MYO6: variants seen among roughly 807,000 people sequenced by gnomAD.
MYO6 encodes unconventional myosin-VI.
MYO6 carries 74 observed loss-of-function variants against 178.7 expected under a neutral mutation model. The observed-to-expected ratio is 0.41, with a 90% CI of 0.34 to 0.50. The LOEUF is 0.50. Ranked by LOEUF, MYO6 falls within the 20% of genes least tolerant of loss-of-function variation. The pLI, the probability that MYO6 is intolerant of heterozygous loss-of-function variation, is 0.09. For synonymous variants in MYO6, 477 were observed against 504.6 expected (o/e 0.95, Z 0.73); for missense variants, 1,330 against 1,547.4 (o/e 0.86, Z 2.36).
In MYO6 at chr6:75,886,671, C is replaced by T. The variant is rs535998693; in HGVS notation, c.2508-173C>T. On this transcript the variant is annotated intron_variant, in intron 24 of 34. Coordinates refer to ENST00000369977, the MANE Select transcript of MYO6 (RefSeq NM_004999.4). ...TAATCCCATTGACAGGCATCAGTGTCATTCACACTCATATTTGATTTTTTT... is the reference window on the plus strand; with the variant it reads ...TAATCCCATTGACAGGCATCAGTGTTATTCACACTCATATTTGATTTTTTT... Among the ~76,000 whole-genome samples, 6 of 152,252 alleles carry T rather than the reference C, an allele frequency of 3.9e-5. No homozygotes were observed. The East Asian group carries it at 1.2e-3, about 29-fold the overall frequency.
At chr6:75,798,779 A>C (rs1482448073) in intron 1 of MYO6, among the ~76,000 whole-genome samples, 1 of 152,190 alleles carries the variant, frequency 6.6e-6, no homozygotes, top group Non-Finnish European at 1.5e-5. Context: ...CAAGAGAATA[A>C]ATAAAAGGTA....
intron 1 of MYO6, among the ~76,000 whole-genome samples, 193 bp from the exon 2 acceptor site, chr6:75,817,304 CAAAA>C (rs759910571): frequency 1.6e-5 from 1 of 62,992 alleles, no homozygotes; most frequent in African/African-American, 5.2e-5. Context: ...GATTCCGTCT[CAAAA>C]AAAAAAAAAA....
chr6:75,900,474 C>A (rs1040502954), intron 30 of MYO6, among the ~76,000 whole-genome samples: 1 of 152,202 alleles, frequency 6.6e-6, no homozygotes, highest in Non-Finnish European at 1.5e-5. Flanking sequence ...ATTTGCATTT[C>A]TCTGATGGCC....
chr6:75,771,148 C>G (rs986628421), intron 1 of MYO6, among the ~76,000 whole-genome samples: 2 of 151,708 alleles, frequency 1.3e-5, no homozygotes, highest in African/African-American at 4.8e-5. Context: ...ACTAGAGGCT[C>G]ATGCCACCGC....
At chr6:75,895,783 T>C (rs1177802144) in intron 29 of MYO6, among the ~76,000 whole-genome samples, 1 of 152,190 alleles carries the variant, frequency 6.6e-6, no homozygotes, top group Admixed American at 6.5e-5. Flanking sequence ...CCCAAAGTGC[T>C]GGGATTACAG....
rs1377826309 is a variant in MYO6 at position 75,918,147 on chromosome 6, G to A, written c.*3135G>A. 1 of 152,180 alleles carries A rather than the reference G, an allele frequency of 6.6e-6. No individual in the cohort carries two copies. Among genetic ancestry groups the A allele is most frequent in the Non-Finnish European group, 1.5e-5 (1 of 68,030 alleles). 9.4% of individuals were successfully genotyped at this position (152,180 alleles called of 1,614,324 possible). A position where few individuals can be genotyped will look rare whatever the true frequency, so the allele number is the denominator to read the frequency against. The stretch of plus-strand genomic sequence containing the variant: ...TGGATTTACAAAGGGTTGCCTCTCT[G>A]TCATTCCACAACTTCAGAAGGTGTG... On this transcript the variant is annotated 3_prime_UTR_variant, in exon 35 of 35. Transcript: ENST00000369977.
At position 75,918,125 on chromosome 6, in the gene MYO6, A is replaced by G. The variant is rs1430266489; in HGVS notation, c.*3113A>G. ...AAACACTTTTTAGTGGCACCTGTGG[A>G]TTTACAAAGGGTTGCCTCTCTGTCA... On this transcript the variant is annotated 3_prime_UTR_variant, in exon 35 of 35. Transcript: ENST00000369977. 6.6e-6 allele frequency: 1 copy of G among 152,214 alleles called. No individual in the cohort carries two copies. Among genetic ancestry groups the G allele is most frequent in the Non-Finnish European group, 1.5e-5 (1 of 68,044 alleles). 9.4% of individuals were successfully genotyped at this position (152,214 alleles called of 1,614,324 possible). A position where few individuals can be genotyped will look rare whatever the true frequency, so the allele number is the denominator to read the frequency against.
chr6:75,910,691 C>CT (rs771963628), intron 32 of MYO6, among the ~76,000 whole-genome samples: 4 of 151,820 alleles, frequency 2.6e-5, no homozygotes, highest in Admixed American at 1.3e-4. Flanking sequence ...CTGAAAAGTA[C>CT]TTTTTTTTGC....
intron 1 of MYO6, among the ~76,000 whole-genome samples, chr6:75,750,288 G>C (rs2149937732): frequency 6.6e-6 from 1 of 151,934 alleles, no homozygotes; most frequent in African/African-American, 2.4e-5. Flanking sequence ...GTAGAGACGG[G>C]GTTTCACCAT....
At chr6:75,825,194 G>A (rs1243861070) in intron 3 of MYO6, among the ~76,000 whole-genome samples, 4 of 152,124 alleles carry the variant, frequency 2.6e-5, no homozygotes, top group African/African-American at 7.2e-5. Flanking sequence ...GAAAATAATA[G>A]CATTTTTCCA....
At chr6:75,778,146 A>G (rs1345346300) in intron 1 of MYO6, among the ~76,000 whole-genome samples, 1 of 152,174 alleles carries the variant, frequency 6.6e-6, no homozygotes, top group South Asian at 2.1e-4. Flanking sequence ...GACGTACATC[A>G]TCACACCCAA....
At chr6:75,757,127 A>G (rs1044104596) in intron 1 of MYO6, among the ~76,000 whole-genome samples, 19 of 146,114 alleles carry the variant, frequency 1.3e-4, no homozygotes, top group Admixed American at 1.4e-4. Context: ...GTATATATGT[A>G]TATACAAGAG....
Position 75,830,545 on chromosome 6 carries a change from GGTAA to G in MYO6, c.391+3_391+6del, listed in dbSNP as rs2150213297. 2 of 1,610,154 alleles carry G rather than the reference GGTAA, an allele frequency of 1.2e-6. No individual in the cohort carries two copies. Among genetic ancestry groups the G allele is most frequent in the Non-Finnish European group, 8.5e-7 (1 of 1,176,998 alleles). ...AAGACCACCTCATGTCTTTGCAATT[GGTAA>G]GTGATTTTAAATGTATTTTAATTCT... On this transcript the variant is annotated splice_donor_variant and splice_donor_region_variant and intron_variant, in intron 5 of 34. Transcript: ENST00000369977. LOFTEE classifies it high-confidence loss of function.
At chr6:75,866,419 A>C in intron 16 of MYO6, 107 bp from the exon 17 acceptor site, 2 of 878,024 alleles carry the variant, frequency 2.3e-6, no homozygotes, top group South Asian at 2.9e-5. Flanking sequence ...AAAGTGTGAA[A>C]ATTTCCTGTA....
rs1778156937 is a variant in MYO6 at position 75,763,789 on chromosome 6, T to C, written c.-48+14366T>C. Reference sequence around the variant, plus strand: ...TTTTATGATTCTGAAATAAATTATCTGAAAATAACAAAGTTTAGAGAGATA... The same window carrying C: ...TTTTATGATTCTGAAATAAATTATCCGAAAATAACAAAGTTTAGAGAGATA... On this transcript the variant is annotated intron_variant, in intron 1 of 34. Coordinates refer to ENST00000369977, the MANE Select transcript of MYO6 (RefSeq NM_004999.4). Among the ~76,000 whole-genome samples the C allele has an allele frequency of 1.3e-5, 2 of 152,230 alleles. 1 individual carries two copies. Among genetic ancestry groups the C allele is most frequent in the Admixed American group, 1.3e-4 (2 of 15,284 alleles).
intron 1 of MYO6, among the ~76,000 whole-genome samples, chr6:75,812,427 T>A (rs767362050): frequency 5.3e-5 from 8 of 152,176 alleles, no homozygotes; most frequent in Non-Finnish European, 1.2e-4. Flanking sequence ...ACCCAGCAAC[T>A]CAAGGATTTA....
chr6:75,907,781 GGTGTGTGTGTGTATGTGTGTGTGT>G (rs1581994635), intron 31 of MYO6, 73 bp downstream of exon 31: 7 of 1,035,532 alleles, frequency 6.8e-6, no homozygotes, highest in South Asian at 1.3e-5. Flanking sequence ...ATTAGGGTGA[GGTGTGTGTGTGTATGTGTGTGTGT>G]GTGTGTGTGT....
chr6:75,796,752 GC>G (rs1198290971), intron 1 of MYO6, among the ~76,000 whole-genome samples: 1 of 151,918 alleles, frequency 6.6e-6, no homozygotes, highest in East Asian at 1.9e-4. Context: ...ACAGGCATGA[GC>G]CACCACACCT....
chr6:75,767,902 T>C (rs531775447), intron 1 of MYO6, among the ~76,000 whole-genome samples: 2 of 152,290 alleles, frequency 1.3e-5, no homozygotes, highest in African/African-American at 2.4e-5. Flanking sequence ...ATATTTTGCC[T>C]CCCAAAACAC....
Sources: allele counts gnomAD v4.1 joint callset (sites outside exome capture counted in the v4.1 genomes callset), GRCh38; gene constraint gnomAD v4.1.1; transcripts MANE v1.5; gene names NCBI Gene and HGNC (gene_info 2026-07-23, HGNC 2026-07-21).